The following SPMIP2 variants were observed in gnomAD, a reference collection of about 807,000 sequenced individuals.
SPMIP2 encodes the protein protein SPMIP2.
the SPMIP2 span, among the ~76,000 whole-genome samples, chr4:159,014,368 G>A: frequency 7.2e-5 from 11 of 152,204 alleles, no homozygotes; most frequent in Middle Eastern, 3.4e-3. Flanking sequence ...CAGGAGAATC[G>A]CTTGAACCCA....
the SPMIP2 span, among the ~76,000 whole-genome samples, chr4:158,987,546 G>C: frequency 0.28 from 42,536 of 151,814 alleles, 6,467 homozygotes; most frequent in Middle Eastern, 0.34. Context: ...ACCAAACACC[G>C]CATGTTCTCA....
chr4:158,915,885 C>G, the SPMIP2 span, among the ~76,000 whole-genome samples: 3 of 152,160 alleles, frequency 2.0e-5, no homozygotes, highest in African/African-American at 7.2e-5. Context: ...CTCAGCCCTG[C>G]TTTTCCATTA....
At chr4:158,986,123 G>T in the SPMIP2 span, among the ~76,000 whole-genome samples, 38,918 of 148,690 alleles carry the variant, frequency 0.26, 5,804 homozygotes, top group East Asian at 0.32. Flanking sequence ...CACTGTTCAA[G>T]GAAATAAAAG....
At chr4:159,034,870 G>A in the SPMIP2 span, among the ~76,000 whole-genome samples, 43 of 151,316 alleles carry the variant, frequency 2.8e-4, no homozygotes, top group Non-Finnish European at 1.0e-4. Flanking sequence ...TAGCCTGGGC[G>A]ACAGAGCGAG....
chr4:158,992,345 A>G, the SPMIP2 span, among the ~76,000 whole-genome samples: 1 of 152,244 alleles, frequency 6.6e-6, no homozygotes. Context: ...ATGAAAGTAT[A>G]TTAAGAGTTC....
the SPMIP2 span, among the ~76,000 whole-genome samples, chr4:158,966,437 G>T: frequency 1.3e-5 from 2 of 152,200 alleles, no homozygotes; most frequent in African/African-American, 4.8e-5. Context: ...ATCCACCTGT[G>T]CTTGGGATAT....
the SPMIP2 span, among the ~76,000 whole-genome samples, chr4:159,002,447 A>G: frequency 6.6e-6 from 1 of 152,182 alleles, no homozygotes; most frequent in Non-Finnish European, 1.5e-5. Context: ...TTTTTTGTAG[A>G]GATGGGATCT....
At chr4:158,910,117 A>C in the SPMIP2 span, among the ~76,000 whole-genome samples, 1 of 152,100 alleles carries the variant, frequency 6.6e-6, no homozygotes, top group Non-Finnish European at 1.5e-5. Flanking sequence ...TGGGCCTTAC[A>C]TGACCCTCCT....
chr4:158,986,528 A>G, the SPMIP2 span, among the ~76,000 whole-genome samples: 5 of 151,946 alleles, frequency 3.3e-5, no homozygotes, highest in Admixed American at 6.6e-5. Flanking sequence ...AAAGCAATGG[A>G]GAAAGGATTC....
At chr4:158,921,684 T>C in the SPMIP2 span, among the ~76,000 whole-genome samples, 1 of 152,138 alleles carries the variant, frequency 6.6e-6, no homozygotes, top group African/African-American at 2.4e-5. Flanking sequence ...GATATATCTT[T>C]ATAGCAGTGC....
chr4:159,060,154 C>A, the SPMIP2 span, among the ~76,000 whole-genome samples: 5 of 152,056 alleles, frequency 3.3e-5, no homozygotes, highest in Admixed American at 2.0e-4. Context: ...AGAATAGGAA[C>A]CAAGACAGAT....
the SPMIP2 span, among the ~76,000 whole-genome samples, chr4:159,078,376 C>T: frequency 6.6e-6 from 1 of 152,130 alleles, no homozygotes; most frequent in African/African-American, 2.4e-5. Context: ...AGTTCTACAC[C>T]AAGTTTCTGA....
chr4:159,063,011 C>T, the SPMIP2 span, among the ~76,000 whole-genome samples: 1 of 151,962 alleles, frequency 6.6e-6, no homozygotes, highest in Non-Finnish European at 1.5e-5. Flanking sequence ...TTTAAATGGT[C>T]TCTATCTCAA....
chr4:159,007,311 G>T, the SPMIP2 span: 3 of 814,210 alleles, frequency 3.7e-6, no homozygotes, highest in Non-Finnish European at 6.3e-6. Context: ...GGCCCCACTG[G>T]ACATCTCATC....
At chr4:158,928,962 C>A in the SPMIP2 span, among the ~76,000 whole-genome samples, 1 of 152,194 alleles carries the variant, frequency 6.6e-6, no homozygotes, top group Admixed American at 6.5e-5. Context: ...TCAGAAGGAA[C>A]AAACTCCAGA....
chr4:158,969,109 T>G, the SPMIP2 span, among the ~76,000 whole-genome samples: 4 of 152,170 alleles, frequency 2.6e-5, no homozygotes, highest in African/African-American at 9.7e-5. Flanking sequence ...GAAAAGTGAG[T>G]CATCATGTCC....
At chr4:159,008,760 T>C in the SPMIP2 span, among the ~76,000 whole-genome samples, 664 of 152,336 alleles carry the variant, frequency 4.4e-3, 2 homozygotes, top group African/African-American at 0.015. Context: ...AAATAATTAG[T>C]AAATAAAACA....
chr4:158,934,715 T>A, the SPMIP2 span, among the ~76,000 whole-genome samples: 12 of 152,162 alleles, frequency 7.9e-5, no homozygotes, highest in Non-Finnish European at 1.8e-4. Flanking sequence ...GATATAACCA[T>A]ATACTCTGCC....
chr4:158,929,772 G>A, the SPMIP2 span, among the ~76,000 whole-genome samples: 5 of 151,902 alleles, frequency 3.3e-5, no homozygotes. Context: ...TATAATTATT[G>A]TTTTATGCAG....
Sources: gnomAD v4.1 joint callset for allele counts (sites outside exome capture counted in the v4.1 genomes callset) on GRCh38, gnomAD v4.1.1 for gene constraint, MANE v1.5 for transcripts, NCBI Gene and HGNC (gene_info 2026-07-23, HGNC 2026-07-21) for gene names.